The following SIPA1L3 variants were observed in gnomAD, a reference collection of about 807,000 sequenced individuals.
SIPA1L3 encodes the protein signal induced proliferation associated 1 like 3, also known as signal-induced proliferation-associated 1-like protein 3.
Under a neutral mutation model 150.1 loss-of-function variants are expected in SIPA1L3, and 59 were observed. That is an observed-to-expected ratio of 0.39 (90% CI 0.32 to 0.49). The LOEUF is 0.49. SIPA1L3 is among the 20% of genes least tolerant of loss of function. The probability of loss-of-function intolerance (pLI) is 0.86; values close to 1 mark genes in which losing one functional copy is unlikely to be tolerated. For missense variants in SIPA1L3, 2,211 were observed against 2,489.5 expected (o/e 0.89, Z 2.38); for synonymous variants, 1,070 against 1,077.6 (o/e 0.99, Z 0.14).
At chr19:38,106,727 A>G in intron 7 of SIPA1L3, 87 bp downstream of exon 7, 1 of 886,872 alleles carries the variant, frequency 1.1e-6, no homozygotes, top group Non-Finnish European at 1.9e-6. Context: ...CCTGTGGATC[A>G]TATGGAGGCC....
Position 38,198,458 on chromosome 19 carries a change from G to A in SIPA1L3, c.4910G>A (p.Gly1637Glu), listed in dbSNP as rs918075943. The A allele has an allele frequency of 5.6e-6, 9 of 1,605,366 alleles. No individual in the cohort carries two copies. The highest frequency in any genetic ancestry group is 6.8e-6 in the Non-Finnish European group (8 of 1,176,768). ...RDRPLRRLDPGLMPLPDTAAG... is the reference protein window; with the variant it reads ...RDRPLRRLDPELMPLPDTAAG... ...CGCCCCCTGCGGCGCCTGGACCCTGGGCTGATGCCCCTGCCTGACACAGCT... is the reference window on the plus strand; with the variant it reads ...CGCCCCCTGCGGCGCCTGGACCCTGAGCTGATGCCCCTGCCTGACACAGCT... The change falls in exon 19 of 22, where the codon GGG (glycine) becomes GAG (glutamate). Residue 1637 changes from glycine to glutamate, a missense_variant. Physicochemically the swap from Gly to Glu is moderately conservative, Grantham distance 98 (BLOSUM62 -2). Coordinates refer to ENST00000222345, the MANE Select transcript of SIPA1L3 (RefSeq NM_015073.3).
intron 3 of SIPA1L3, 61 bp from the exon 4 acceptor site, chr19:38,088,660 G>T: frequency 6.3e-7 from 1 of 1,584,718 alleles, no homozygotes; most frequent in Non-Finnish European, 8.6e-7. Context: ...AGGCCTGCTG[G>T]GCATCAGGGC....
At position 38,201,919 on chromosome 19, in the gene SIPA1L3, C is replaced by T. The variant is rs749294817; in HGVS notation, c.5042C>T (p.Pro1681Leu). The change falls in exon 20 of 22, where the codon CCG becomes CTG. Residue 1681 changes from proline (P) to leucine (L), a missense_variant. Transcript: ENST00000222345. ...LNDPALSPDI[P>L]PAHSPVHSHL... ...GACCCGGCCCTGAGCCCGGACATCC[C>T]GCCTGCACACAGTCCTGTCCACAGC... 1.9e-5 allele frequency: 30 copies of T among 1,613,920 alleles called. No homozygotes were observed. The Middle Eastern group carries it at 4.9e-4, about 27-fold the overall frequency.
chr19:37,936,626 G>A (rs1753501995), intron 1 of SIPA1L3, among the ~76,000 whole-genome samples: 1 of 152,148 alleles, frequency 6.6e-6, no homozygotes, highest in African/African-American at 2.4e-5. Context: ...TATGAAATGG[G>A]CATTGTTATC....
At chr19:38,080,449 G>T (rs1969949456) in intron 2 of SIPA1L3, among the ~76,000 whole-genome samples, 1 of 152,206 alleles carries the variant, frequency 6.6e-6, no homozygotes, top group Non-Finnish European at 1.5e-5. Flanking sequence ...CCATTGTAGA[G>T]TAGAGGAGAC....
chr19:38,078,540 G>A (rs369472005), intron 2 of SIPA1L3, among the ~76,000 whole-genome samples: 8 of 125,882 alleles, frequency 6.4e-5, no homozygotes, highest in South Asian at 2.6e-4. Context: ...ACACAGACAC[G>A]CACACACACA....
chr19:38,206,237 C>CT lies in SIPA1L3; in HGVS notation c.5344dup (p.Ter1782LeufsTer32). ...TCTTCTGCAGGGAGAAGAAGGAGCT[C>CT]TGAGGTGGGAGGCCGCCGCCCGCCT... is the stretch of plus-strand genomic sequence containing the variant. On this transcript the variant is annotated frameshift_variant, in exon 22 of 22. Transcript: ENST00000222345. LOFTEE classifies it high-confidence loss of function. 6.4e-7 allele frequency: 1 copy of CT among 1,552,796 alleles called. No individual in the cohort carries two copies. The highest frequency in any genetic ancestry group is 8.7e-7 in the Non-Finnish European group (1 of 1,146,014).
chr19:38,013,479 G>A (rs558794314), intron 1 of SIPA1L3, among the ~76,000 whole-genome samples: 12 of 152,264 alleles, frequency 7.9e-5, no homozygotes, highest in South Asian at 2.1e-4. Flanking sequence ...GTATACAATA[G>A]TCTTCTTCCC....
chr19:37,907,525 G>C (rs762368951), intron 1 of SIPA1L3, 167 bp downstream of exon 1: 1 of 152,258 alleles, frequency 6.6e-6, no homozygotes, highest in Non-Finnish European at 1.5e-5. Context: ...ACTCGTGCCC[G>C]CATGGCTCAA....
intron 1 of SIPA1L3, among the ~76,000 whole-genome samples, chr19:37,944,971 A>G (rs2046696817): frequency 1.3e-5 from 2 of 152,078 alleles, no homozygotes; most frequent in Non-Finnish European, 2.9e-5. Context: ...AAATAAATAA[A>G]TGCATTCAAT....
intron 9 of SIPA1L3, among the ~76,000 whole-genome samples, chr19:38,126,044 G>T (rs1438306993): frequency 1.3e-5 from 2 of 152,066 alleles, no homozygotes; most frequent in African/African-American, 4.8e-5. Flanking sequence ...CGTGGTGGCG[G>T]GCTCCTGTAG....
At chr19:38,144,479 G>A (rs763502146) in intron 12 of SIPA1L3, among the ~76,000 whole-genome samples, 3 of 152,234 alleles carry the variant, frequency 2.0e-5, no homozygotes, top group Admixed American at 1.3e-4. Flanking sequence ...TCACCCAGAG[G>A]AGGACTTGTT....
chr19:38,126,628 C>A (rs1458304136), intron 9 of SIPA1L3, among the ~76,000 whole-genome samples: 1 of 151,902 alleles, frequency 6.6e-6, no homozygotes, highest in Non-Finnish European at 1.5e-5. Context: ...CCTCCGCCTC[C>A]CCGGTTCAAG....
chr19:38,051,337 TC>T (rs1969193434), intron 2 of SIPA1L3, among the ~76,000 whole-genome samples: 1 of 152,216 alleles, frequency 6.6e-6, no homozygotes, highest in Admixed American at 6.5e-5. Context: ...ATTTACTGAT[TC>T]TTTAATGAGA....
intron 1 of SIPA1L3, among the ~76,000 whole-genome samples, chr19:37,968,124 A>G (rs1265206476): frequency 1.0e-5 from 1 of 99,434 alleles, no homozygotes. Flanking sequence ...TCTAGGCTAG[A>G]GTGCAGTGGC....
chr19:38,102,228 G>A lies in SIPA1L3; in HGVS notation c.2029+1002G>A, dbSNP rs1168257851. Among the ~76,000 whole-genome samples the A allele has an allele frequency of 6.0e-5, 9 of 150,744 alleles. No individual in the cohort carries two copies. The East Asian group carries it at 9.7e-4, about 16-fold the overall frequency. ...CTCCCTGCTAGTTTTTGTATTTTTA[G>A]TAGAGATGGGGATTTACTATATTGG... On this transcript the variant is annotated intron_variant, in intron 6 of 21. Transcript: ENST00000222345.
At chr19:38,053,856 G>A (rs1007663576) in intron 2 of SIPA1L3, among the ~76,000 whole-genome samples, 1 of 150,960 alleles carries the variant, frequency 6.6e-6, no homozygotes. Flanking sequence ...GTGAGCCGCC[G>A]CGCCCAGCCT....
At chr19:38,088,472 G>A (rs975332985) in intron 3 of SIPA1L3, among the ~76,000 whole-genome samples, 1 of 152,248 alleles carries the variant, frequency 6.6e-6, no homozygotes, top group African/African-American at 2.4e-5. Context: ...TCAAGGTCCT[G>A]TTTTCTCAGA....
intron 1 of SIPA1L3, chr19:37,964,902 A>G (rs555252969): frequency 1.3e-5 from 2 of 152,278 alleles, no homozygotes; most frequent in South Asian, 4.1e-4. Flanking sequence ...TGAGGCCTGG[A>G]CATCAGCATA....
Sources: gnomAD v4.1 joint callset for allele counts (sites outside exome capture counted in the v4.1 genomes callset) on GRCh38, gnomAD v4.1.1 for gene constraint, MANE v1.5 for transcripts, NCBI Gene and HGNC (gene_info 2026-07-23, HGNC 2026-07-21) for gene names.